The following ZBED2 variants were observed in gnomAD, a reference collection of about 807,000 sequenced individuals.
ZBED2 encodes the protein zinc finger BED domain-containing protein 2.
For synonymous variants in ZBED2, 97 were observed against 98.8 expected (o/e 0.98, Z 0.11); for missense variants, 285 against 281.0 (o/e 1.01, Z -0.10).
rs757648746 is a variant in ZBED2 at position 111,594,147 on chromosome 3, C to A, written c.55G>T (p.Asp19Tyr). Reference protein sequence around the residue: ...EEGTMMKAKGDLEMKEEEEIS... With the variant: ...EEGTMMKAKGYLEMKEEEEIS... ...TCTTCCTCCTCCTTCATCTCTAAGT[C>A]CCCTTTTGCCTTCATCATTGTTCCC... is the stretch of plus-strand genomic sequence containing the variant. Residue 19 changes from aspartate (D) to tyrosine (Y), a missense_variant, in exon 2 of 2, where the codon GAC (aspartate) becomes TAC (tyrosine). Transcript: ENST00000317012. 5.6e-6 allele frequency: 9 copies of A among 1,612,750 alleles called. No individual in the cohort carries two copies. The African/African-American group carries it at 1.1e-4, about 19-fold the overall frequency.
chr3:111,593,996 C>T lies in ZBED2; in HGVS notation c.206G>A (p.Gly69Glu). 6.2e-7 allele frequency: 1 copy of T among 1,614,168 alleles called. No individual in the cohort carries two copies. Among genetic ancestry groups the T allele is most frequent in the Non-Finnish European group, 8.5e-7 (1 of 1,180,032 alleles). ...GGTGGCATACTGGTTGGGATGGTGC[C>T]CAGCACGAGCAGGAGCTAGGTGGAA... ...EYFHLAPARA[G>E]HHPNQYATCR... The change falls in exon 2 of 2, where the codon GGG becomes GAG. Residue 69 changes from glycine to glutamate, a missense_variant. Transcript: ENST00000317012.
At chr3:111,595,217 T>C (rs1033674983) in intron 1 of ZBED2, 83 bp downstream of exon 1, 4 of 152,756 alleles carry the variant, frequency 2.6e-5, no homozygotes, top group Non-Finnish European at 5.9e-5. Flanking sequence ...GGTCATTTCT[T>C]AAACTAATGA....
At position 111,594,416 on chromosome 3, in the gene ZBED2, C is replaced by T; in HGVS notation, c.-215G>A. ...GTGAGTCAGATACAAGCAAAACAGCCCAAGAGTGCATTCCTTCCATGCCCC... is the reference window on the plus strand; with the variant it reads ...GTGAGTCAGATACAAGCAAAACAGCTCAAGAGTGCATTCCTTCCATGCCCC... On this transcript the variant is annotated 5_prime_UTR_variant, in exon 2 of 2. An upstream open reading frame in the 5' UTR gains an earlier in-frame stop. Coordinates refer to ENST00000317012, the MANE Select transcript of ZBED2 (RefSeq NM_024508.5). The T allele has an allele frequency of 3.9e-6, 2 of 513,264 alleles. No individual in the cohort carries two copies. The highest frequency in any genetic ancestry group is 7.0e-5 in the Admixed American group (2 of 28,654). The allele number at this position is 513,264 out of a possible 1,614,324, so 31.8% of individuals were successfully genotyped here.
At position 111,593,563 on chromosome 3, in the gene ZBED2, A is replaced by G; in HGVS notation, c.639T>C (p.His213=). 1 of 1,528,000 alleles carries G rather than the reference A, an allele frequency of 6.5e-7. No individual in the cohort carries two copies. The highest frequency in any genetic ancestry group is 8.8e-7 in the Non-Finnish European group (1 of 1,137,070). The allele number at this position is 1,528,000 out of a possible 1,614,324, so 94.7% of individuals were successfully genotyped here. ...QREKELPAAV[H]PFHFV is the part of the protein sequence containing the mutation. Reference sequence around the variant, plus strand: ...GCCCAATTTAAACAAAATGGAAGGGATGTACTGCTGCAGGCAGCTCTTTCT... The same window carrying G: ...GCCCAATTTAAACAAAATGGAAGGGGTGTACTGCTGCAGGCAGCTCTTTCT... Residue 213 remains histidine, a synonymous_variant, in exon 2 of 2, where the codon CAT becomes CAC. Coordinates refer to ENST00000317012, the MANE Select transcript of ZBED2 (RefSeq NM_024508.5).
In ZBED2 at chr3:111,593,527, A is replaced by T. The variant is rs755544182; in HGVS notation, c.*18T>A. ...AGTCTAGAGTCAATGTTTTCAGAAT[A>T]GATTCTCCAAGCCCAATTTAAACAA... On this transcript the variant is annotated 3_prime_UTR_variant, in exon 2 of 2. Transcript: ENST00000317012. The T allele has an allele frequency of 1.3e-6, 2 of 1,509,882 alleles. No individual in the cohort carries two copies. The highest frequency in any genetic ancestry group is 1.4e-5 in the African/African-American group (1 of 71,578). The allele number at this position is 1,509,882 out of a possible 1,614,324, so 93.5% of individuals were successfully genotyped here.
rs955669891 is a variant in ZBED2 at position 111,594,777 on chromosome 3, TGGTGCA to T, written c.-582_-577del. 6.0e-6 allele frequency: 1 copy of T among 167,344 alleles called. No individual in the cohort carries two copies. Among genetic ancestry groups the T allele is most frequent in the African/African-American group, 2.4e-5 (1 of 41,470 alleles). The allele number at this position is 167,344 out of a possible 1,614,324, so 10.4% of individuals were successfully genotyped here. A position where few individuals can be genotyped will look rare whatever the true frequency, so the allele number is the denominator to read the frequency against. On this transcript the variant is annotated 5_prime_UTR_variant, in exon 2 of 2. Transcript: ENST00000317012. ...GGTAAAAGCAAACACAGGCAGATGCTGGTGCAGGAGACAATCTTGCTTCCTAAGAAC... is the reference window on the plus strand; with the variant it reads ...GGTAAAAGCAAACACAGGCAGATGCTGGAGACAATCTTGCTTCCTAAGAAC...
chr3:111,594,132 CCTT>C lies in ZBED2; in HGVS notation c.67_69del (p.Lys23del), dbSNP rs1937140291. 6.2e-7 allele frequency: 1 copy of C among 1,613,830 alleles called. No homozygotes were observed. The highest frequency in any genetic ancestry group is 8.5e-7 in the Non-Finnish European group (1 of 1,179,936). On this transcript the variant is annotated inframe_deletion, in exon 2 of 2. Coordinates refer to ENST00000317012, the MANE Select transcript of ZBED2 (RefSeq NM_024508.5). ...CCTGTCTCACTAATCTCTTCCTCCT[CCTT>C]CATCTCTAAGTCCCCTTTTGCCTTC...
In ZBED2 at chr3:111,593,404, G is replaced by A; in HGVS notation, c.*141C>T. The A allele has an allele frequency of 9.3e-7, 1 of 1,075,236 alleles. No individual in the cohort carries two copies. Among genetic ancestry groups the A allele is most frequent in the East Asian group, 2.6e-5 (1 of 38,000 alleles). The allele number at this position is 1,075,236 out of a possible 1,614,324, so 66.6% of individuals were successfully genotyped here. A position where few individuals can be genotyped will look rare whatever the true frequency, so the allele number is the denominator to read the frequency against. On this transcript the variant is annotated 3_prime_UTR_variant, in exon 2 of 2. Coordinates refer to ENST00000317012, the MANE Select transcript of ZBED2 (RefSeq NM_024508.5). Reference sequence around the variant, plus strand: ...CATTTGGTCAATTCAGACCTGCTCAGATTAACTCATACTGTGCACTATTTC... The same window carrying A: ...CATTTGGTCAATTCAGACCTGCTCAAATTAACTCATACTGTGCACTATTTC...
chr3:111,595,222 T>A (rs1398851301), intron 1 of ZBED2, 78 bp downstream of exon 1: 1 of 152,592 alleles, frequency 6.6e-6, no homozygotes, highest in Admixed American at 6.5e-5. Context: ...TTTCTTAAAC[T>A]AATGAGAGCT....
rs760913690 is a variant in ZBED2, at chr3:111,593,514, A to G, written c.*31T>C. 1 of 1,508,130 alleles carries G rather than the reference A, an allele frequency of 6.6e-7. No homozygotes were observed. The highest frequency in any genetic ancestry group is 8.9e-7 in the Non-Finnish European group (1 of 1,128,380). The allele number at this position is 1,508,130 out of a possible 1,614,324, so 93.4% of individuals were successfully genotyped here. ...GCTCTTTTCTACAAGTCTAGAGTCAATGTTTTCAGAATAGATTCTCCAAGC... is the reference window on the plus strand; with the variant it reads ...GCTCTTTTCTACAAGTCTAGAGTCAGTGTTTTCAGAATAGATTCTCCAAGC... On this transcript the variant is annotated 3_prime_UTR_variant, in exon 2 of 2. Coordinates refer to ENST00000317012, the MANE Select transcript of ZBED2 (RefSeq NM_024508.5).
In ZBED2 at chr3:111,593,764, C is replaced by T. The variant is rs375236307; in HGVS notation, c.438G>A (p.Val146=). ...GGCTGGCCCACAAAGCCATGGTGCCCACCTGCTCCAGGAGCCTACCCCAGT... is the reference window on the plus strand; with the variant it reads ...GGCTGGCCCACAAAGCCATGGTGCCTACCTGCTCCAGGAGCCTACCCCAGT... ...EGNWGRLLEQ[V]GTMALWASQR... Residue 146 remains valine (V), a synonymous_variant, in exon 2 of 2, where the codon GTG becomes GTA. Coordinates refer to ENST00000317012, the MANE Select transcript of ZBED2 (RefSeq NM_024508.5). The T allele has an allele frequency of 1.7e-4, 274 of 1,614,102 alleles. No homozygotes were observed. The highest frequency in any genetic ancestry group is 2.3e-4 in the Non-Finnish European group (267 of 1,180,046).
chr3:111,594,299 G>T lies in ZBED2; in HGVS notation c.-98C>A. 3 of 1,437,798 alleles carry T rather than the reference G, an allele frequency of 2.1e-6. No homozygotes were observed. Among genetic ancestry groups the T allele is most frequent in the Non-Finnish European group, 2.8e-6 (3 of 1,065,192 alleles). 89.1% of individuals were successfully genotyped at this position (1,437,798 alleles called of 1,614,324 possible). A position where few individuals can be genotyped will look rare whatever the true frequency, so the allele number is the denominator to read the frequency against. On this transcript the variant is annotated 5_prime_UTR_variant, in exon 2 of 2. Transcript: ENST00000317012. ...AATATATATTTGGGAAGGGCCTGTG[G>T]TAACTCTTGGGGATTCACAATAATG...
rs760274654 is a variant in ZBED2 at position 111,593,882 on chromosome 3, C to A, written c.320G>T (p.Arg107Ile). Residue 107 changes from arginine to isoleucine, a missense_variant, in exon 2 of 2, where the codon AGA becomes ATA. By Grantham distance (97) the Arg-to-Ile change is moderately conservative. Transcript: ENST00000317012. ...ATGGCCACTCTTCTCCAGCTCCTCT[C>A]TGTGCATGCTTTTCAGATGCTTCCA... is the stretch of plus-strand genomic sequence containing the variant. ...ALWKHLKSMH[R>I]EELEKSGHGQ... 1 of 1,613,736 alleles carries A rather than the reference C, an allele frequency of 6.2e-7. No individual in the cohort carries two copies.
rs766423394 is a variant in ZBED2 at position 111,594,018 on chromosome 3, G to A, written c.184C>T (p.His62Tyr). The change falls in exon 2 of 2, where the codon CAC becomes TAC. Residue 62 changes from histidine to tyrosine, a missense_variant. Transcript: ENST00000317012. The part of the protein sequence containing the change: ...TRFSEAWEYF[H>Y]LAPARAGHHP... ...TGCCCAGCACGAGCAGGAGCTAGGTGGAAATATTCCCATGCCTCAGAGAAC... is the reference window on the plus strand; with the variant it reads ...TGCCCAGCACGAGCAGGAGCTAGGTAGAAATATTCCCATGCCTCAGAGAAC... The A allele has an allele frequency of 6.2e-7, 1 of 1,614,164 alleles. No individual in the cohort carries two copies. The highest frequency in any genetic ancestry group is 8.5e-7 in the Non-Finnish European group (1 of 1,180,012).
At chr3:111,595,106 T>C (rs941033257) in intron 1 of ZBED2, 40 bp from the exon 2 acceptor site, 1 of 166,870 alleles carries the variant, frequency 6.0e-6, no homozygotes, top group African/African-American at 2.4e-5. Context: ...CTGAGGCAAC[T>C]TACTCCAGAT....
Position 111,593,893 on chromosome 3 carries a change from T to C in ZBED2, c.309A>G (p.Lys103=). 6.2e-7 allele frequency: 1 copy of C among 1,613,652 alleles called. No individual in the cohort carries two copies. The highest frequency in any genetic ancestry group is 8.5e-7 in the Non-Finnish European group (1 of 1,180,024). ...VGTTALWKHL[K]SMHREELEKS... Reference sequence around the variant, plus strand: ...TCTCCAGCTCCTCTCTGTGCATGCTTTTCAGATGCTTCCACAGTGCAGTGG... The same window carrying C: ...TCTCCAGCTCCTCTCTGTGCATGCTCTTCAGATGCTTCCACAGTGCAGTGG... Residue 103 remains lysine (K), a synonymous_variant, in exon 2 of 2, where the codon AAA becomes AAG. Transcript: ENST00000317012.
In ZBED2 at chr3:111,594,610, T is replaced by C. The variant is rs10804491; in HGVS notation, c.-409A>G. 0.79 allele frequency: 138,281 copies of C among 174,812 alleles called. 58,390 individuals are homozygous for C. Among genetic ancestry groups the C allele is most frequent in the South Asian group, 0.91 (4,556 of 4,994 alleles). The allele number at this position is 174,812 out of a possible 1,614,324, so 10.8% of individuals were successfully genotyped here. The stretch of plus-strand genomic sequence containing the variant: ...TGAATATTGAAAATTTTAGGTTTTC[T>C]TGTTTCTCCTCCTGGTTGTTTCCAC... On this transcript the variant is annotated 5_prime_UTR_variant, in exon 2 of 2. Transcript: ENST00000317012.
At position 111,593,914 on chromosome 3, in the gene ZBED2, A is replaced by G; in HGVS notation, c.288T>C (p.Thr96=). Residue 96 remains threonine, a synonymous_variant, in exon 2 of 2, where the codon ACT becomes ACC. Transcript: ENST00000317012. ...SRGPGVNVGT[T]ALWKHLKSMH... ...TGCTTTTCAGATGCTTCCACAGTGC[A>G]GTGGTGCCCACGTTGACCCCAGGGC... 6.2e-7 allele frequency: 1 copy of G among 1,613,758 alleles called. No homozygotes were observed. Among genetic ancestry groups the G allele is most frequent in the Non-Finnish European group, 8.5e-7 (1 of 1,180,034 alleles).
chr3:111,595,203 C>T (rs1235207878), intron 1 of ZBED2, 97 bp downstream of exon 1: 3 of 153,614 alleles, frequency 2.0e-5, no homozygotes, highest in Non-Finnish European at 4.4e-5. Flanking sequence ...TCTCTCCTTT[C>T]TTGGGTCATT....
Sources: gnomAD v4.1 joint callset for allele counts on GRCh38, gnomAD v4.1.1 for gene constraint, MANE v1.5 for transcripts, NCBI Gene and HGNC (gene_info 2026-07-23, HGNC 2026-07-21) for gene names.